The following ABHD2 variants were observed in gnomAD, a reference collection of about 807,000 sequenced individuals.
The protein encoded by ABHD2 is monoacylglycerol lipase ABHD2.
A neutral mutation model predicts 48.1 loss-of-function variants in ABHD2; 20 were observed. That is an observed-to-expected ratio of 0.42 (90% confidence interval 0.29 to 0.60). The LOEUF is 0.60. Ranked by LOEUF, ABHD2 falls within the 20% of genes least tolerant of loss-of-function variation. The pLI is 0.24. For missense variants in ABHD2, 405 were observed against 550.9 expected, an observed-to-expected ratio of 0.74 and a Z score of 2.65; for synonymous variants, 209 against 214.2, an observed-to-expected ratio of 0.98 and a Z score of 0.21.
chr15:89,052,542 G>GGCAGACACACACACACAC, the ABHD2 span, among the ~76,000 whole-genome samples: 1 of 138,962 alleles, frequency 7.2e-6, no homozygotes, highest in African/African-American at 3.1e-5. Context: ...CAGACAGACA[G>GGCAGACACACACACACAC]ACAGACAGAC....
rs1555429068 is a variant in ABHD2 at position 89,135,143 on chromosome 15, C to CTTTTCTTTTTTTTT, written c.195-16530_195-16529insCTTTTTTTTTTTTT. Among the ~76,000 whole-genome samples the CTTTTCTTTTTTTTT allele has an allele frequency of 3.4e-4, 38 of 112,178 alleles. 1 individual carries two copies. The highest frequency in any genetic ancestry group is 9.2e-4 in the Admixed American group (10 of 10,862). The allele number at this position is 112,178 out of a possible 152,430, so 73.6% of individuals were successfully genotyped here. ...GTCAACAAAATGGCTACAACTTTTT[C>CTTTTCTTTTTTTTT]TTTTTTTTTTTTTTTTTTGCAATTA... On this transcript the variant is annotated intron_variant, in intron 3 of 10. Transcript: ENST00000352732.
chr15:89,112,172 A>AG (rs1186541122), intron 1 of ABHD2, among the ~76,000 whole-genome samples: 2 of 152,114 alleles, frequency 1.3e-5, no homozygotes, highest in African/African-American at 4.8e-5. Flanking sequence ...CTGGGTCTGA[A>AG]GCGGGGCAGC....
At chr15:89,058,755 T>C in the ABHD2 span, among the ~76,000 whole-genome samples, 137,273 of 152,222 alleles carry the variant, frequency 0.9, 62,100 homozygotes, top group African/African-American at 0.97. Flanking sequence ...AAGACCTCAC[T>C]CTTCAGACAA....
chr15:89,140,296 G>A (rs998428651), intron 3 of ABHD2, among the ~76,000 whole-genome samples: 1 of 152,106 alleles, frequency 6.6e-6, no homozygotes, highest in Non-Finnish European at 1.5e-5. Context: ...TCATTTTGCT[G>A]GATGACCTTT....
In ABHD2 at chr15:89,146,261, C is replaced by T. The variant is rs1488111295; in HGVS notation, c.195-5416C>T. On this transcript the variant is annotated intron_variant, in intron 3 of 10. Transcript: ENST00000352732. This position sits in a 1 kb window ranked among gnomAD's most constrained non-coding sequence, Gnocchi z 4.2. ...GAACTGGTCACCCACTGGTTTAAGG[C>T]AAAGATGAGCATCAGTCAACTTTAT... 6.6e-6 allele frequency among the ~76,000 whole-genome samples: 1 copy of T among 152,074 alleles called. No individual in the cohort carries two copies. The highest frequency in any genetic ancestry group is 2.4e-5 in the African/African-American group (1 of 41,400).
In ABHD2 at chr15:89,184,727, C is replaced by A. The variant is rs2150943100; in HGVS notation, c.723-697C>A. Among the ~76,000 whole-genome samples, 1 of 152,322 alleles carries A rather than the reference C, an allele frequency of 6.6e-6. No homozygotes were observed. The highest frequency in any genetic ancestry group is 1.9e-4 in the East Asian group (1 of 5,180). On this transcript the variant is annotated intron_variant, in intron 6 of 10. Transcript: ENST00000352732. This position sits in a 1 kb window ranked among gnomAD's most constrained non-coding sequence, Gnocchi z 5.1. ...AAACAGGGATAATATCACCTGCCTA[C>A]TGCCGCCATTGAAGGGTCAGAGTGT...
intron 3 of ABHD2, among the ~76,000 whole-genome samples, chr15:89,135,093 G>A (rs1177106044): frequency 6.9e-6 from 1 of 144,566 alleles, no homozygotes; most frequent in Non-Finnish European, 1.5e-5. Flanking sequence ...ATAAAAAATT[G>A]TATTTGCTTA....
the ABHD2 span, among the ~76,000 whole-genome samples, chr15:89,071,344 C>A: frequency 1.3e-5 from 2 of 152,094 alleles, no homozygotes; most frequent in East Asian, 3.9e-4. Context: ...CCGCTTGAAC[C>A]CGGGAGGTGG....
At chr15:89,098,321 C>G (rs1449765249) in intron 1 of ABHD2, among the ~76,000 whole-genome samples, 1 of 152,158 alleles carries the variant, frequency 6.6e-6, no homozygotes, top group Non-Finnish European at 1.5e-5. Flanking sequence ...GTCCTCACAG[C>G]TGGGAAATGT....
At chr15:89,157,617 G>A (rs531708057) in intron 5 of ABHD2, among the ~76,000 whole-genome samples, 1 of 152,132 alleles carries the variant, frequency 6.6e-6, no homozygotes, top group African/African-American at 2.4e-5. Context: ...GCCAAGGCAG[G>A]CAGATCACGA....
chr15:89,062,964 C>A, the ABHD2 span, among the ~76,000 whole-genome samples: 2 of 146,686 alleles, frequency 1.4e-5, no homozygotes, highest in Non-Finnish European at 3.0e-5. Context: ...ACAATTGCTG[C>A]TGCTTTTTTT....
At chr15:89,042,583 CTTTCTTATTTATTTATTTATTTATTTAT>C in the ABHD2 span, among the ~76,000 whole-genome samples, 1 of 139,848 alleles carries the variant, frequency 7.2e-6, no homozygotes, top group South Asian at 2.3e-4. Context: ...TTCTTTCTTT[CTTTCTTATTTATTTATTTATTTATTTAT>C]TTATTTATTT....
intron 3 of ABHD2, among the ~76,000 whole-genome samples, chr15:89,129,622 C>G (rs1250455706): frequency 1.3e-5 from 2 of 152,018 alleles, no homozygotes; most frequent in Non-Finnish European, 2.9e-5. Flanking sequence ...GTGAAGTTAG[C>G]GAGCTGTTGC....
the ABHD2 span, among the ~76,000 whole-genome samples, chr15:89,064,589 C>T: frequency 3.9e-5 from 6 of 151,996 alleles, no homozygotes; most frequent in African/African-American, 1.4e-4. Flanking sequence ...CTTTAGGCTG[C>T]TTTTTCCACT....
chr15:89,201,188 T>G lies in ABHD2; in HGVS notation c.*5765T>G. 2 of 1,477,010 alleles carry G rather than the reference T, an allele frequency of 1.4e-6. No individual in the cohort carries two copies. Among genetic ancestry groups the G allele is most frequent in the Non-Finnish European group, 1.9e-6 (2 of 1,057,762 alleles). 91.5% of individuals were successfully genotyped at this position (1,477,010 alleles called of 1,614,324 possible). On this transcript the variant is annotated 3_prime_UTR_variant, in exon 11 of 11. Transcript: ENST00000352732. ...GGATGCAGTTGAGGTTGATCCAGGT[T>G]TATCCGAATATGCTACCTTTCTGAG...
chr15:89,143,946 T>TAC (rs2050450019), intron 3 of ABHD2, among the ~76,000 whole-genome samples: 1 of 152,142 alleles, frequency 6.6e-6, no homozygotes, highest in Admixed American at 6.5e-5. Flanking sequence ...TATAAAATGG[T>TAC]ACAGCTGCTG....
chr15:89,170,230 G>A (rs1428559058), intron 5 of ABHD2, among the ~76,000 whole-genome samples: 1 of 151,282 alleles, frequency 6.6e-6, no homozygotes, highest in Admixed American at 6.6e-5. Flanking sequence ...CAAGTAGCTG[G>A]GACTACAGGC....
At chr15:89,123,499 G>A (rs796706308) in intron 3 of ABHD2, among the ~76,000 whole-genome samples, 7 of 151,944 alleles carry the variant, frequency 4.6e-5, no homozygotes, top group East Asian at 1.9e-4. Flanking sequence ...TTTTAATTAC[G>A]GAAGTTTTCT....
the ABHD2 span, among the ~76,000 whole-genome samples, chr15:89,058,990 G>A: frequency 0.033 from 4,965 of 152,260 alleles, 143 homozygotes; most frequent in Non-Finnish European, 0.049. Context: ...CAGCTCCAGC[G>A]AAAGATAAGG....
Sources: gnomAD v4.1 joint callset for allele counts (sites outside exome capture counted in the v4.1 genomes callset) on GRCh38, gnomAD v4.1.1 for gene constraint, Gnocchi (gnomAD v3.1) non-coding constraint, MANE v1.5 for transcripts, NCBI Gene and HGNC (gene_info 2026-07-23, HGNC 2026-07-21) for gene names.